The following ABCC5 variants were observed in gnomAD, a reference collection of about 807,000 sequenced individuals.
ABCC5 encodes the protein ATP binding cassette subfamily C member 5.
In ABCC5, 61 loss-of-function variants were observed where a neutral mutation model predicts 160.9. The observed-to-expected ratio is 0.38, with a 90% CI of 0.31 to 0.47. The LOEUF (loss-of-function observed/expected upper bound fraction) is 0.47, where lower values mean the gene tolerates loss of function less well. ABCC5 is among the 20% of genes least tolerant of loss of function. ABCC5 has a pLI of 0.99. For missense variants in ABCC5, 1,308 were observed against 1,813.3 expected, an observed-to-expected ratio of 0.72 and a Z score of 5.06; for synonymous variants, 666 against 700.6, an observed-to-expected ratio of 0.95 and a Z score of 0.78.
Position 183,956,790 on chromosome 3 carries a change from C to T in ABCC5, c.2482+2943G>A, listed in dbSNP as rs1197607240. The stretch of plus-strand genomic sequence containing the variant: ...TACATCACATCGGTTACATGCGGAT[C>T]CGTGTGTATATCACATCTGTTACAT... On this transcript the variant is annotated intron_variant, in intron 17 of 29. Transcript: ENST00000334444. 3.3e-5 allele frequency among the ~76,000 whole-genome samples: 2 copies of T among 60,590 alleles called. 1 individual carries two copies. Among genetic ancestry groups the T allele is most frequent in the African/African-American group, 2.5e-4 (2 of 8,056 alleles). The allele number at this position is 60,590 out of a possible 152,430, so 39.7% of individuals were successfully genotyped here. A position where few individuals can be genotyped will look rare whatever the true frequency, so the allele number is the denominator to read the frequency against.
intron 2 of ABCC5, 82 bp downstream of exon 2, chr3:184,014,182 G>C: frequency 7.1e-7 from 1 of 1,400,904 alleles, no homozygotes; most frequent in Non-Finnish European, 9.8e-7. Context: ...CAAAAAATAA[G>C]TTTCTAAATT....
chr3:183,952,590 G>A (rs1224687807), intron 18 of ABCC5, among the ~76,000 whole-genome samples: 2 of 152,154 alleles, frequency 1.3e-5, no homozygotes, highest in Non-Finnish European at 2.9e-5. Flanking sequence ...TGCTATTCTT[G>A]TCGTGACAGT....
chr3:183,976,864 C>T (rs1718262368), intron 10 of ABCC5, among the ~76,000 whole-genome samples: 1 of 152,014 alleles, frequency 6.6e-6, no homozygotes, highest in Non-Finnish European at 1.5e-5. Context: ...AAGTATTAAC[C>T]ACTATCAAAT....
chr3:183,924,811 G>A (rs529983014), intron 29 of ABCC5, among the ~76,000 whole-genome samples: 5 of 152,322 alleles, frequency 3.3e-5, no homozygotes, highest in South Asian at 2.1e-4. Context: ...AGTCTAGGGC[G>A]GCTGAGGCAG....
chr3:183,953,057 A>AG (rs754317023), intron 18 of ABCC5, 29 bp downstream of exon 18: 1 of 1,598,882 alleles, frequency 6.3e-7, no homozygotes, highest in Non-Finnish European at 8.5e-7. Flanking sequence ...TCTTAGACAC[A>AG]GAACTTTCCC....
intron 26 of ABCC5, among the ~76,000 whole-genome samples, chr3:183,935,423 G>C (rs925871507): frequency 6.6e-6 from 1 of 151,208 alleles, no homozygotes; most frequent in South Asian, 2.1e-4. Flanking sequence ...CTCGTGATCC[G>C]CCCGCCTCAG....
In ABCC5 at chr3:183,951,038, G is replaced by A. The variant is rs1715294899; in HGVS notation, c.2944+403C>T. 6.6e-6 allele frequency among the ~76,000 whole-genome samples: 1 copy of A among 152,192 alleles called. No individual in the cohort carries two copies. Among genetic ancestry groups the A allele is most frequent in the South Asian group, 2.1e-4 (1 of 4,832 alleles). On this transcript the variant is annotated intron_variant, in intron 20 of 29. Coordinates refer to ENST00000334444, the MANE Select transcript of ABCC5 (RefSeq NM_005688.4). This position sits in a 1 kb window ranked among gnomAD's most constrained non-coding sequence, Gnocchi z 4.7. ...ACATGCATAAAACACTGAGCATGCTGCTTGCTACACAGGAAGCCCCCTGTC... is the reference window on the plus strand; with the variant it reads ...ACATGCATAAAACACTGAGCATGCTACTTGCTACACAGGAAGCCCCCTGTC...
rs184149761 is a variant in ABCC5 at position 183,954,305 on chromosome 3, C to A, written c.2483-1035G>T. ...CTGGGATTATAGGCGCCCGCCACCA[C>A]GCCTGGCTAATTTTTGTATTTTTAG... On this transcript the variant is annotated intron_variant, in intron 17 of 29. Transcript: ENST00000334444. 4.6e-5 allele frequency among the ~76,000 whole-genome samples: 7 copies of A among 152,230 alleles called. No homozygotes were observed. In the East Asian group the frequency reaches 1.2e-3, roughly 25 times the overall value.
chr3:183,956,798 A>G (rs1455329855), intron 17 of ABCC5, among the ~76,000 whole-genome samples: 1 of 60,854 alleles, frequency 1.6e-5, no homozygotes, highest in Non-Finnish European at 2.8e-5. Context: ...ATCCGTGTGT[A>G]TATCACATCT....
chr3:183,968,948 T>A (rs930302004), intron 11 of ABCC5, among the ~76,000 whole-genome samples: 2 of 152,230 alleles, frequency 1.3e-5, no homozygotes, highest in Admixed American at 6.5e-5. Context: ...CAGTGTCTGA[T>A]AGTTGAACAA....
At chr3:183,968,051 C>T (rs1717388749) in intron 11 of ABCC5, among the ~76,000 whole-genome samples, 1 of 152,104 alleles carries the variant, frequency 6.6e-6, no homozygotes, top group Non-Finnish European at 1.5e-5. Context: ...TCCTATTCTG[C>T]TGCTAACCCA....
intron 29 of ABCC5, 32 bp downstream of exon 29, chr3:183,925,523 T>C: frequency 1.9e-6 from 3 of 1,608,878 alleles, no homozygotes; most frequent in South Asian, 1.1e-5. Flanking sequence ...CTCCCAGACA[T>C]GCCAAGCCAA....
rs142097554 is a variant in ABCC5 at position 183,979,866 on chromosome 3, C to T, written c.1148-1215G>A. Among the ~76,000 whole-genome samples the T allele has an allele frequency of 5.0e-3, 759 of 151,678 alleles. 11 individuals carry two copies. The highest frequency in any genetic ancestry group is 0.017 in the African/African-American group (706 of 41,272). On this transcript the variant is annotated intron_variant, in intron 8 of 29. Coordinates refer to ENST00000334444, the MANE Select transcript of ABCC5 (RefSeq NM_005688.4). Reference sequence around the variant, plus strand: ...TGGAGACTAAAGGCATGAGCCACCTCGCCCGGCCAATACTTTTTTTTTTTT... The same window carrying T: ...TGGAGACTAAAGGCATGAGCCACCTTGCCCGGCCAATACTTTTTTTTTTTT...
At chr3:183,990,791 T>C (rs1274199008) in intron 2 of ABCC5, among the ~76,000 whole-genome samples, 8 of 131,164 alleles carry the variant, frequency 6.1e-5, no homozygotes, top group Admixed American at 4.9e-4. Flanking sequence ...CAAAAGTGCA[T>C]GCAAAAGTGC....
intron 24 of ABCC5, among the ~76,000 whole-genome samples, chr3:183,945,079 C>G (rs768930625): frequency 2.6e-5 from 4 of 152,178 alleles, no homozygotes; most frequent in Non-Finnish European, 4.4e-5. Flanking sequence ...TCCCCTTCAC[C>G]TTTCGCTATG....
intron 12 of ABCC5, 64 bp from the exon 13 acceptor site, chr3:183,965,565 C>G: frequency 6.3e-7 from 1 of 1,591,298 alleles, no homozygotes. Flanking sequence ...GCCAACGGAA[C>G]CCCCACCTTC....
chr3:183,967,627 G>T (rs1717346342), intron 12 of ABCC5, 68 bp downstream of exon 12: 2 of 1,384,374 alleles, frequency 1.4e-6, no homozygotes, highest in Non-Finnish European at 2.1e-6. Context: ...CAGGAAATTT[G>T]TTCGTTTTTC....
chr3:183,925,830 T>C (rs1043783705), intron 28 of ABCC5, 111 bp from the exon 29 acceptor site: 10 of 1,117,812 alleles, frequency 8.9e-6, no homozygotes, highest in Middle Eastern at 5.4e-4. Context: ...TCTATTGTTT[T>C]CTTTTCTTTC....
Position 183,920,057 on chromosome 3 carries a change from T to C in ABCC5, c.*1243A>G, listed in dbSNP as rs562. On this transcript the variant is annotated 3_prime_UTR_variant, in exon 30 of 30. Transcript: ENST00000334444. This position sits in a 1 kb window ranked among gnomAD's most constrained non-coding sequence, Gnocchi z 4.1. ...ACGACATGCAACGCTGACCATTCAA[T>C]TGATGACAGCAGTGACCACGCCCAC... The C allele has an allele frequency of 0.53, 80,302 of 152,546 alleles. 21,757 individuals carry two copies. Among genetic ancestry groups the C allele is most frequent in the African/African-American group, 0.66 (27,415 of 41,500 alleles). 9.4% of individuals were successfully genotyped at this position (152,546 alleles called of 1,614,324 possible).
Sources: gnomAD v4.1 joint callset for allele counts (sites outside exome capture counted in the v4.1 genomes callset) on GRCh38, gnomAD v4.1.1 for gene constraint, Gnocchi (gnomAD v3.1) non-coding constraint, MANE v1.5 for transcripts, NCBI Gene and HGNC (gene_info 2026-07-23, HGNC 2026-07-21) for gene names.